Variants in TTC29 observed in about 807,000 individuals in gnomAD.
TTC29 encodes tetratricopeptide repeat domain 29.
A neutral mutation model predicts 58.1 loss-of-function variants in TTC29; 49 were observed. The observed-to-expected ratio is 0.84, with a 90% CI of 0.67 to 1.07. The LOEUF (loss-of-function observed/expected upper bound fraction) is 1.07, where lower values mean the gene tolerates loss of function less well. TTC29 is among the 50% of genes least tolerant of loss of function. TTC29 has a pLI of 0.00. For synonymous variants in TTC29, 209 were observed against 196.8 expected (o/e 1.06, Z -0.52); for missense variants, 582 against 555.6 (o/e 1.05, Z -0.48).
At chr4:146,751,073 T>C (rs1416475074) in intron 11 of TTC29, among the ~76,000 whole-genome samples, 1 of 152,104 alleles carries the variant, frequency 6.6e-6, no homozygotes, top group African/African-American at 2.4e-5. Context: ...ACACTTATAT[T>C]GGATAAGATA....
Position 146,942,558 on chromosome 4 carries a change from C to T in TTC29, c.-7+2473G>A, listed in dbSNP as rs767679384. On this transcript the variant is annotated intron_variant, in intron 2 of 12. Transcript: ENST00000325106. ...GAGGTTTGAAGGGACACCAAAGCTC[C>T]CCAAACGGGCCTCCCAAGAGCTTAC... The T allele has an allele frequency of 9.3e-6, 14 of 1,504,058 alleles. 1 individual carries two copies. The South Asian group carries it at 1.8e-4, about 19-fold the overall frequency. 93.2% of individuals were successfully genotyped at this position (1,504,058 alleles called of 1,614,324 possible).
chr4:146,783,612 G>T (rs1011397113), intron 11 of TTC29, among the ~76,000 whole-genome samples: 13 of 151,998 alleles, frequency 8.6e-5, no homozygotes, highest in African/African-American at 3.1e-4. Flanking sequence ...TATAAAATGT[G>T]CATTCATAGA....
At chr4:146,797,487 T>C (rs1749906359) in intron 11 of TTC29, among the ~76,000 whole-genome samples, 1 of 152,144 alleles carries the variant, frequency 6.6e-6, no homozygotes. Context: ...ATTTTGCCTA[T>C]GGTTTTGAAA....
chr4:146,750,208 G>A (rs895411978), intron 11 of TTC29, among the ~76,000 whole-genome samples: 14 of 152,132 alleles, frequency 9.2e-5, no homozygotes, highest in Admixed American at 4.6e-4. Context: ...GGGGTTTCGC[G>A]GTGTTAGCCA....
intron 9 of TTC29, 77 bp from the exon 10 acceptor site, chr4:146,820,325 T>C: frequency 6.7e-6 from 10 of 1,487,578 alleles, no homozygotes; most frequent in Non-Finnish European, 9.0e-6. Context: ...ATCTTGTGTC[T>C]TTGCTGTAGA....
At chr4:146,882,811 C>T (rs999762890) in intron 6 of TTC29, among the ~76,000 whole-genome samples, 8 of 151,956 alleles carry the variant, frequency 5.3e-5, no homozygotes, top group South Asian at 2.1e-4. Flanking sequence ...GGATGATTAA[C>T]GTGTTATTTT....
chr4:146,790,192 T>G (rs1479381667), intron 11 of TTC29, among the ~76,000 whole-genome samples: 1 of 151,876 alleles, frequency 6.6e-6, no homozygotes, highest in African/African-American at 2.4e-5. Flanking sequence ...TCTTTTTTTT[T>G]TTTTCTTTTT....
intron 6 of TTC29, among the ~76,000 whole-genome samples, chr4:146,876,700 G>A (rs1281642119): frequency 6.6e-6 from 1 of 152,136 alleles, no homozygotes; most frequent in Non-Finnish European, 1.5e-5. Flanking sequence ...ACTTTGGGAG[G>A]CTGAGGCCTG....
chr4:146,910,102 T>C (rs1733797926), intron 4 of TTC29, among the ~76,000 whole-genome samples: 1 of 152,042 alleles, frequency 6.6e-6, no homozygotes, highest in African/African-American at 2.4e-5. Flanking sequence ...CTAATTATAT[T>C]ATATTCTTTA....
intron 4 of TTC29, among the ~76,000 whole-genome samples, chr4:146,911,940 C>T (rs578086202): frequency 4.3e-4 from 66 of 152,194 alleles, no homozygotes; most frequent in Admixed American, 7.9e-4. Context: ...GCTATGTCTG[C>T]AAAGATGGAG....
chr4:146,788,467 C>T (rs1040259076), intron 11 of TTC29, among the ~76,000 whole-genome samples: 1 of 152,138 alleles, frequency 6.6e-6, no homozygotes, highest in African/African-American at 2.4e-5. Flanking sequence ...TCAAATGTGC[C>T]AGATTGGAGC....
intron 4 of TTC29, among the ~76,000 whole-genome samples, chr4:146,922,750 C>T (rs548884542): frequency 6.6e-6 from 1 of 151,824 alleles, no homozygotes; most frequent in South Asian, 2.1e-4. Flanking sequence ...TATTATTAGC[C>T]ATCATTATCT....
At chr4:146,841,364 T>C (rs1250594454) in intron 8 of TTC29, among the ~76,000 whole-genome samples, 1 of 152,102 alleles carries the variant, frequency 6.6e-6, no homozygotes, top group Admixed American at 6.6e-5. Context: ...CAAACTACTA[T>C]GACCAGATCA....
chr4:146,865,634 C>T (rs1316184255), intron 8 of TTC29, among the ~76,000 whole-genome samples: 2 of 152,142 alleles, frequency 1.3e-5, no homozygotes, highest in African/African-American at 2.4e-5. Context: ...AACAAATCTG[C>T]ACATGTACCC....
intron 4 of TTC29, among the ~76,000 whole-genome samples, chr4:146,920,445 G>A (rs1175523424): frequency 4.6e-5 from 7 of 150,758 alleles, no homozygotes; most frequent in East Asian, 1.9e-4. Flanking sequence ...GAAATATAAC[G>A]TTTAAAATAC....
chr4:146,736,674 G>A (rs539021303), intron 11 of TTC29, among the ~76,000 whole-genome samples: 3 of 152,212 alleles, frequency 2.0e-5, no homozygotes, highest in African/African-American at 7.2e-5. Flanking sequence ...CCTGTTATGG[G>A]ACATTAAGTA....
intron 11 of TTC29, among the ~76,000 whole-genome samples, chr4:146,726,561 T>C (rs1743798091): frequency 6.6e-6 from 1 of 152,188 alleles, no homozygotes; most frequent in Non-Finnish European, 1.5e-5. Flanking sequence ...AGTACTCTTT[T>C]CTTTTTGACA....
intron 11 of TTC29, among the ~76,000 whole-genome samples, chr4:146,751,838 G>T (rs1163828677): frequency 2.0e-5 from 3 of 151,928 alleles, no homozygotes; most frequent in Non-Finnish European, 4.4e-5. Flanking sequence ...ATAAAAATCA[G>T]AACAGAAATA....
intron 6 of TTC29, among the ~76,000 whole-genome samples, chr4:146,883,672 G>A (rs983305291): frequency 1.3e-5 from 2 of 151,984 alleles, no homozygotes; most frequent in Admixed American, 1.3e-4. Context: ...AGCAAGAACT[G>A]TGGGCTCGGT....
Sources: gnomAD v4.1 joint callset for allele counts (sites outside exome capture counted in the v4.1 genomes callset) on GRCh38, gnomAD v4.1.1 for gene constraint, MANE v1.5 for transcripts, NCBI Gene and HGNC (gene_info 2026-07-23, HGNC 2026-07-21) for gene names.